Variants in KALRN observed in about 807,000 individuals in gnomAD.
The protein encoded by KALRN is kalirin RhoGEF kinase, also known as kalirin.
A neutral mutation model predicts 353.7 loss-of-function variants in KALRN; 70 were observed. The ratio of observed to expected loss-of-function variants is 0.20; its 90% CI spans 0.16 to 0.24. The LOEUF is 0.24. KALRN is among the 10% of genes least tolerant of loss of function. The pLI, the probability that KALRN is intolerant of heterozygous loss-of-function variation, is 1.00. For synonymous variants in KALRN, 1,391 were observed against 1,434.8 expected (o/e 0.97, Z 0.69); for missense variants, 2,791 against 3,756.7 (o/e 0.74, Z 6.72).
At chr3:124,349,795 C>T (rs935147192) in intron 10 of KALRN, among the ~76,000 whole-genome samples, 1 of 152,158 alleles carries the variant, frequency 6.6e-6, no homozygotes, top group Non-Finnish European at 1.5e-5. Flanking sequence ...GTAATAGACA[C>T]AGGTCCCAAT....
At chr3:124,315,106 G>A (rs1205876185) in intron 6 of KALRN, among the ~76,000 whole-genome samples, 6 of 152,174 alleles carry the variant, frequency 3.9e-5, no homozygotes, top group African/African-American at 1.4e-4. Flanking sequence ...TTCAACATGA[G>A]GTTTGGAGAG....
intron 33 of KALRN, chr3:124,519,508 T>G (rs887576254): frequency 2.2e-5 from 22 of 985,270 alleles, no homozygotes; most frequent in Non-Finnish European, 2.7e-5. Context: ...AGATTAAACC[T>G]GATTTCTGAG....
chr3:124,485,479 G>A lies in KALRN; in HGVS notation c.4284+2579G>A, dbSNP rs559869909. Among the ~76,000 whole-genome samples the A allele has an allele frequency of 1.2e-4, 19 of 152,296 alleles. No individual in the cohort carries two copies. In the South Asian group the frequency reaches 2.3e-3, roughly 18 times the overall value. ...AGGAGTGGGCTCTGGACCTTTGTTC[G>A]GGAATTGAGTGTTTTAGGAAGAATT... On this transcript the variant is annotated intron_variant, in intron 28 of 59. Coordinates refer to ENST00000682506, the MANE Select transcript of KALRN (RefSeq NM_001388419.1).
At chr3:124,274,855 T>G (rs1442234560) in intron 5 of KALRN, among the ~76,000 whole-genome samples, 1 of 152,184 alleles carries the variant, frequency 6.6e-6, no homozygotes, top group Admixed American at 6.5e-5. Flanking sequence ...AAAACCTAAT[T>G]TTTAAATGCC....
chr3:124,490,974 T>C, intron 30 of KALRN, 90 bp downstream of exon 30: 1 of 1,197,280 alleles, frequency 8.4e-7, no homozygotes, highest in Non-Finnish European at 1.2e-6. Context: ...TCTCATCTCC[T>C]CCCCGGCCTC....
At chr3:124,597,218 T>A (rs560387080) in intron 34 of KALRN, among the ~76,000 whole-genome samples, 1 of 152,192 alleles carries the variant, frequency 6.6e-6, no homozygotes, top group Non-Finnish European at 1.5e-5. Context: ...ATTTGAATAC[T>A]GTGTGGCAGA....
intron 3 of KALRN, among the ~76,000 whole-genome samples, chr3:124,255,830 C>T (rs2071885167): frequency 6.6e-6 from 1 of 152,058 alleles, no homozygotes; most frequent in South Asian, 2.1e-4. Flanking sequence ...AAAAATTACC[C>T]AGGCAAAGAT....
At chr3:124,650,722 T>C in intron 37 of KALRN, 86 bp from the exon 38 acceptor site, 2 of 1,343,270 alleles carry the variant, frequency 1.5e-6, no homozygotes, top group South Asian at 2.6e-5. Flanking sequence ...TTTTCCATGT[T>C]GTCTGTGGCT....
chr3:124,667,201 T>C lies in KALRN; in HGVS notation c.6703+18T>C. On this transcript the variant is annotated intron_variant, in intron 47 of 59. Transcript: ENST00000682506. ...TTTGAATGGTGGGTGCTGGGCTTGG[T>C]TCCTTGCAGGGCTGTGTCAGGGGAC... 1 of 1,609,814 alleles carries C rather than the reference T, an allele frequency of 6.2e-7. No individual in the cohort carries two copies. Among genetic ancestry groups the C allele is most frequent in the Non-Finnish European group, 8.5e-7 (1 of 1,177,180 alleles).
At chr3:124,476,444 C>G (rs1276345296) in intron 26 of KALRN, among the ~76,000 whole-genome samples, 3 of 151,930 alleles carry the variant, frequency 2.0e-5, no homozygotes, top group Non-Finnish European at 4.4e-5. Flanking sequence ...TAGAACAATG[C>G]TAGCATAAAT....
chr3:124,299,883 A>G (rs1485846764), intron 6 of KALRN, among the ~76,000 whole-genome samples: 1 of 152,166 alleles, frequency 6.6e-6, no homozygotes, highest in African/African-American at 2.4e-5. Flanking sequence ...TGCTCTTTGA[A>G]GCCATTGTAT....
At chr3:124,250,958 C>T (rs896593118) in intron 3 of KALRN, among the ~76,000 whole-genome samples, 4 of 152,180 alleles carry the variant, frequency 2.6e-5, no homozygotes, top group Non-Finnish European at 5.9e-5. Flanking sequence ...ACCCCTTTGC[C>T]ACCTTCTCTC....
intron 1 of KALRN, chr3:124,162,558 A>G (rs910976749): frequency 7.9e-5 from 12 of 152,234 alleles, no homozygotes; most frequent in African/African-American, 2.9e-4. Context: ...GGCAAAGTCA[A>G]AACACCTGGT....
At chr3:124,496,678 G>A (rs2063885882) in intron 33 of KALRN, among the ~76,000 whole-genome samples, 1 of 152,172 alleles carries the variant, frequency 6.6e-6, no homozygotes, top group Non-Finnish European at 1.5e-5. Flanking sequence ...GCTGAGCAGT[G>A]AGGGAGTCTA....
intron 33 of KALRN, among the ~76,000 whole-genome samples, chr3:124,511,625 C>G (rs1457469700): frequency 6.6e-6 from 1 of 152,194 alleles, no homozygotes; most frequent in Non-Finnish European, 1.5e-5. Flanking sequence ...GAGCAGGCCC[C>G]TTCCCTCTGC....
intron 3 of KALRN, among the ~76,000 whole-genome samples, chr3:124,240,363 C>T (rs1457152164): frequency 6.6e-6 from 1 of 152,186 alleles, no homozygotes; most frequent in African/African-American, 2.4e-5. Context: ...TTTGGGAAGA[C>T]TTTAACCAAG....
intron 14 of KALRN, among the ~76,000 whole-genome samples, chr3:124,421,799 A>G (rs949893456): frequency 6.6e-6 from 1 of 152,222 alleles, no homozygotes; most frequent in Non-Finnish European, 1.5e-5. Flanking sequence ...ATGATAACGT[A>G]TAAATAGGAG....
chr3:124,578,559 C>T lies in KALRN; in HGVS notation c.5182+15470C>T, dbSNP rs75194931. 5.7e-4 allele frequency among the ~76,000 whole-genome samples: 87 copies of T among 152,274 alleles called. No individual in the cohort carries two copies. The East Asian group carries it at 0.015, about 27-fold the overall frequency. On this transcript the variant is annotated intron_variant, in intron 34 of 59. Transcript: ENST00000682506. Reference sequence around the variant, plus strand: ...GTGAGTGGCCTTGGGCCCTAAAGTCCGTGGTTCTCAGCCATGACTTCACAT... The same window carrying T: ...GTGAGTGGCCTTGGGCCCTAAAGTCTGTGGTTCTCAGCCATGACTTCACAT...
chr3:124,328,114 A>G (rs1265172691), intron 7 of KALRN, among the ~76,000 whole-genome samples: 1 of 152,150 alleles, frequency 6.6e-6, no homozygotes, highest in South Asian at 2.1e-4. Context: ...ATTTGTGTCT[A>G]TTTCCACCTA....
Sources: allele counts gnomAD v4.1 joint callset (sites outside exome capture counted in the v4.1 genomes callset), GRCh38; gene constraint gnomAD v4.1.1; transcripts MANE v1.5; gene names NCBI Gene and HGNC (gene_info 2026-07-23, HGNC 2026-07-21).